C20orf173: variants seen among roughly 807,000 people sequenced by gnomAD.
C20orf173 encodes the protein chromosome 20 open reading frame 173, also known as uncharacterized protein C20orf173.
A neutral mutation model predicts 26.7 loss-of-function variants in C20orf173; 22 were observed. The observed-to-expected ratio is 0.82, with a 90% confidence interval of 0.59 to 1.18. The LOEUF (loss-of-function observed/expected upper bound fraction) is 1.18. C20orf173 is among the 50% of genes most tolerant of loss of function. The pLI, the probability that C20orf173 is intolerant of heterozygous loss-of-function variation, is 0.00. For missense variants in C20orf173, 210 were observed against 250.3 expected, an observed-to-expected ratio of 0.84 and a Z score of 1.09; for synonymous variants, 85 against 96.4, an observed-to-expected ratio of 0.88 and a Z score of 0.69.
At position 35,529,334 on chromosome 20, in the gene C20orf173, C is replaced by T; in HGVS notation, c.40G>A (p.Val14Met). ...WQIFVLWVFWVLILWLMTPYL... is the reference protein window; with the variant it reads ...WQIFVLWVFWMLILWLMTPYL... The stretch of plus-strand genomic sequence containing the variant: ...GGGGTCATCAGCCAGAGGATGAGCA[C>T]CCAAAAGACCCACAGGACAAAAATC... The change falls in exon 2 of 6, where the codon GTG becomes ATG. Residue 14 changes from valine (V) to methionine (M), a missense_variant. By Grantham distance (21) the Val-to-Met change is conservative. Transcript: ENST00000444723. 6.5e-7 allele frequency: 1 copy of T among 1,548,962 alleles called. No individual in the cohort carries two copies. The highest frequency in any genetic ancestry group is 2.4e-5 in the East Asian group (1 of 40,866).
intron 4 of C20orf173, 29 bp downstream of exon 4, chr20:35,528,422 C>A (rs1183044936): frequency 1.3e-6 from 2 of 1,550,520 alleles, no homozygotes; most frequent in African/African-American, 2.7e-5. Flanking sequence ...CACCCCCACA[C>A]AGAGAATGTC....
chr20:35,528,524 G>C lies in C20orf173; in HGVS notation c.509C>G (p.Ser170Cys), dbSNP rs1380258074. The C allele has an allele frequency of 6.4e-7, 1 of 1,551,704 alleles. No individual in the cohort carries two copies. Among genetic ancestry groups the C allele is most frequent in the African/African-American group, 1.4e-5 (1 of 73,148 alleles). ...VVFRNASDQG[S>C]WMQLEMLLRK... Reference sequence around the variant, plus strand: ...CAGTAGCATCTCCAGCTGCATCCAGGAGCCCTGGTCGCTGGCATTCCTGGG... The same window carrying C: ...CAGTAGCATCTCCAGCTGCATCCAGCAGCCCTGGTCGCTGGCATTCCTGGG... The change falls in exon 4 of 6, where the codon TCC becomes TGC. Residue 170 changes from serine to cysteine, a missense_variant. Transcript: ENST00000444723.
chr20:35,525,686 G>T (rs910727742), downstream of C20orf173, among the ~76,000 whole-genome samples: 3 of 152,220 alleles, frequency 2.0e-5, no homozygotes, highest in African/African-American at 4.8e-5. Flanking sequence ...GCCTGAGAGG[G>T]TTCTTGGCTT....
chr20:35,520,761 T>G (rs751741351), downstream of C20orf173: 1 of 152,236 alleles, frequency 6.6e-6, no homozygotes, highest in Non-Finnish European at 1.5e-5. Flanking sequence ...AATTTTATTT[T>G]TTGGTAAGAT....
Position 35,529,336 on chromosome 20 carries a change from CAA to C in C20orf173, c.36_37del (p.Phe12LeufsTer17). The C allele has an allele frequency of 1.9e-6, 3 of 1,548,906 alleles. No homozygotes were observed. The highest frequency in any genetic ancestry group is 2.6e-6 in the Non-Finnish European group (3 of 1,145,636). On this transcript the variant is annotated frameshift_variant, in exon 2 of 6. Transcript: ENST00000444723. LOFTEE classifies it high-confidence loss of function. The stretch of plus-strand genomic sequence containing the variant: ...GGTCATCAGCCAGAGGATGAGCACC[CAA>C]AAGACCCACAGGACAAAAATCTGCC...
rs903319005 is a variant in C20orf173 at position 35,528,555 on chromosome 20, T to A, written c.489-11A>T. 6.4e-7 allele frequency: 1 copy of A among 1,551,514 alleles called. No individual in the cohort carries two copies. The highest frequency in any genetic ancestry group is 8.7e-7 in the Non-Finnish European group (1 of 1,146,910). ...TGGTCGCTGGCATTCCTGGGATAGA[T>A]GAAGCATTGTGTGTGGTTTGGTTCC... On this transcript the variant is annotated splice_polypyrimidine_tract_variant and intron_variant, in intron 3 of 5. Coordinates refer to ENST00000444723, the MANE Select transcript of C20orf173 (RefSeq NM_001145350.2).
At chr20:35,521,695 G>A (rs1375477020), downstream of C20orf173, among the ~76,000 whole-genome samples, 3 of 150,588 alleles carry the variant, frequency 2.0e-5, no homozygotes, top group South Asian at 2.1e-4. Context: ...CGCAACCTCC[G>A]CCTCCCAGGT....
In C20orf173 at chr20:35,528,296, T is replaced by C; in HGVS notation, c.583-12A>G. ...CCATCTTCCAAAATCTGAGAAAGAA[T>C]TGGAGGTGGGGGAGTTTGGGCCACA... On this transcript the variant is annotated splice_polypyrimidine_tract_variant and intron_variant, in intron 4 of 5. Coordinates refer to ENST00000444723, the MANE Select transcript of C20orf173 (RefSeq NM_001145350.2). 2 of 1,551,912 alleles carry C rather than the reference T, an allele frequency of 1.3e-6. No individual in the cohort carries two copies. Among genetic ancestry groups the C allele is most frequent in the Non-Finnish European group, 1.7e-6 (2 of 1,147,032 alleles).
At chr20:35,522,819 C>G (rs1198343442), downstream of C20orf173, 1 of 152,714 alleles carries the variant, frequency 6.5e-6, no homozygotes, top group Admixed American at 6.5e-5. Flanking sequence ...GCTGCTGCTG[C>G]TTATTCTCAA....
chr20:35,527,568 C>T (rs1418358197), intron 5 of C20orf173, among the ~76,000 whole-genome samples: 2 of 152,120 alleles, frequency 1.3e-5, no homozygotes, highest in East Asian at 1.9e-4. Flanking sequence ...ATTCTAAGAG[C>T]CCATTATGGG....
At chr20:35,524,014 T>A (rs1381399555), downstream of C20orf173, among the ~76,000 whole-genome samples, 3 of 152,174 alleles carry the variant, frequency 2.0e-5, no homozygotes, top group African/African-American at 7.2e-5. Flanking sequence ...TTTTTCTTTT[T>A]AAGAACTGTT....
downstream of C20orf173, among the ~76,000 whole-genome samples, chr20:35,525,738 G>A (rs1167881116): frequency 6.6e-6 from 1 of 152,216 alleles, no homozygotes; most frequent in Non-Finnish European, 1.5e-5. Flanking sequence ...CTGTATTGAA[G>A]CAGCATTGCA....
Position 35,529,236 on chromosome 20 carries a change from G to A in C20orf173, c.138C>T (p.Cys46=), listed in dbSNP as rs748289465. ...RMYLVPQHCD[C]PWFSSGKCGC... ...CACACTTCCCGGAACTGAACCAAGG[G>A]CAGTCGCAATGCTGTGGTACCAAGT... The change falls in exon 2 of 6, where the codon TGC becomes TGT. Residue 46 remains cysteine (C), a synonymous_variant. Coordinates refer to ENST00000444723, the MANE Select transcript of C20orf173 (RefSeq NM_001145350.2). The A allele has an allele frequency of 7.2e-5, 112 of 1,551,582 alleles. No homozygotes were observed. Among genetic ancestry groups the A allele is most frequent in the Non-Finnish European group, 9.6e-5 (110 of 1,147,002 alleles).
downstream of C20orf173, among the ~76,000 whole-genome samples, chr20:35,525,133 C>T (rs202102822): frequency 6.6e-6 from 1 of 151,794 alleles, no homozygotes; most frequent in African/African-American, 2.4e-5. Context: ...TCTTTATGTT[C>T]TCACCCCTGA....
At position 35,528,845 on chromosome 20, in the gene C20orf173, C is replaced by T. The variant is rs944551613; in HGVS notation, c.344G>A (p.Trp115Ter). The T allele has an allele frequency of 3.2e-6, 5 of 1,551,364 alleles. No individual in the cohort carries two copies. In the Admixed American group the frequency reaches 7.9e-5, roughly 24 times the overall value. ...GGGAATCCCTTTAAACAGCTTCCTC[C>T]ACAATTTCCCAAGCTCGCTCCCTGA... ...MNSGSELGKLWRKLFKGIPRL... is the reference protein window; with the variant it reads ...MNSGSELGKL Residue 115 changes from tryptophan (W) to a stop codon, truncating the protein, a stop_gained, in exon 3 of 6, where the codon TGG becomes TAG. Transcript: ENST00000444723. LOFTEE classifies it high-confidence loss of function.
chr20:35,522,847 A>G (rs2064482966), downstream of C20orf173: 2 of 152,290 alleles, frequency 1.3e-5, no homozygotes, highest in African/African-American at 2.4e-5. Flanking sequence ...CTCTGACTTG[A>G]CCCTCTCGAG....
At chr20:35,529,472 G>A (rs2064535394) in intron 1 of C20orf173, 48 bp from the exon 2 acceptor site, 1 of 1,176,636 alleles carries the variant, frequency 8.5e-7, no homozygotes, top group East Asian at 2.6e-5. Flanking sequence ...GCTTCCCTCT[G>A]TCCTGTCGGC....
chr20:35,528,008 T>C (rs2064515695), intron 5 of C20orf173, among the ~76,000 whole-genome samples: 1 of 152,152 alleles, frequency 6.6e-6, no homozygotes, highest in Non-Finnish European at 1.5e-5. Context: ...CTGAAGGCAT[T>C]GAGGAGCAGG....
At chr20:35,521,986 C>A (rs1196763609), downstream of C20orf173, 3 of 152,664 alleles carry the variant, frequency 2.0e-5, no homozygotes, top group Non-Finnish European at 4.4e-5. Context: ...CACAGGTATG[C>A]AAGGCATACA....
Sources: allele counts gnomAD v4.1 joint callset (sites outside exome capture counted in the v4.1 genomes callset), GRCh38; gene constraint gnomAD v4.1.1; transcripts MANE v1.5; gene names NCBI Gene and HGNC (gene_info 2026-07-23, HGNC 2026-07-21).